ADTRP: variants seen among roughly 807,000 people sequenced by gnomAD.
ADTRP encodes androgen dependent TFPI regulating protein.
In ADTRP, 20 loss-of-function variants were observed where a neutral mutation model predicts 27.0. The ratio of observed to expected loss-of-function variants is 0.74; its 90% confidence interval spans 0.52 to 1.08. ADTRP has a LOEUF of 1.08. Among genes scored for constraint, ADTRP ranks in the 50% least tolerant of loss-of-function variants. The probability of loss-of-function intolerance (pLI) is 0.00; values close to 1 mark genes in which losing one functional copy is unlikely to be tolerated. For missense variants in ADTRP, 251 were observed against 275.0 expected (o/e 0.91, Z 0.62); for synonymous variants, 101 against 105.2 (o/e 0.96, Z 0.25).
At chr6:11,727,847 A>G (rs921540406) in intron 4 of ADTRP, among the ~76,000 whole-genome samples, 3 of 151,434 alleles carry the variant, frequency 2.0e-5, no homozygotes, top group African/African-American at 4.8e-5. Flanking sequence ...TCACACTGTT[A>G]GTTGACATCA....
chr6:11,714,307 T>A lies in ADTRP; in HGVS notation c.*171A>T. On this transcript the variant is annotated 3_prime_UTR_variant, in exon 6 of 6. Transcript: ENST00000414691. ...AGTCAACCTTTCAAAAAACCAAGAG[T>A]TCTCAAGTTAAGCTACCTTCACGAA... 4.3e-6 allele frequency: 3 copies of A among 694,518 alleles called. No individual in the cohort carries two copies. The allele number at this position is 694,518 out of a possible 1,614,324, so 43.0% of individuals were successfully genotyped here.
At position 11,713,701 on chromosome 6, in the gene ADTRP, TAATC is replaced by T. The variant is rs1285596377; in HGVS notation, c.*773_*776del. On this transcript the variant is annotated 3_prime_UTR_variant, in exon 6 of 6. Transcript: ENST00000414691. The stretch of plus-strand genomic sequence containing the variant: ...TTACTATACCATTTATTTGATGAAT[TAATC>T]AATGTTCAAATGGAAGAGGTTTTGA... 1 of 152,242 alleles carries T rather than the reference TAATC, an allele frequency of 6.6e-6. No homozygotes were observed. The highest frequency in any genetic ancestry group is 2.4e-5 in the African/African-American group (1 of 41,460). The allele number at this position is 152,242 out of a possible 1,614,324, so 9.4% of individuals were successfully genotyped here. A position where few individuals can be genotyped will look rare whatever the true frequency, so the allele number is the denominator to read the frequency against.
chr6:11,718,224 T>C (rs1761895509), intron 5 of ADTRP, among the ~76,000 whole-genome samples: 1 of 152,240 alleles, frequency 6.6e-6, no homozygotes, highest in Non-Finnish European at 1.5e-5. Context: ...AAGGACAGCC[T>C]GACTCCTGGC....
At chr6:11,737,206 T>C (rs1762580576) in intron 3 of ADTRP, among the ~76,000 whole-genome samples, 1 of 152,080 alleles carries the variant, frequency 6.6e-6, no homozygotes, top group Admixed American at 6.6e-5. Flanking sequence ...AAACATCTAG[T>C]AGTGCTAGTA....
At chr6:11,752,445 G>C (rs1763088637) in intron 3 of ADTRP, among the ~76,000 whole-genome samples, 1 of 152,092 alleles carries the variant, frequency 6.6e-6, no homozygotes, top group East Asian at 1.9e-4. Flanking sequence ...GGGTTCACTT[G>C]GGAAAACAGA....
At chr6:11,722,736 G>C (rs150714946) in intron 5 of ADTRP, among the ~76,000 whole-genome samples, 3 of 152,234 alleles carry the variant, frequency 2.0e-5, no homozygotes, top group African/African-American at 7.2e-5. Context: ...AGAAGCAACA[G>C]GATTGTACCC....
chr6:11,776,493 G>A (rs964527884), intron 1 of ADTRP, among the ~76,000 whole-genome samples: 1 of 152,170 alleles, frequency 6.6e-6, no homozygotes, highest in Non-Finnish European at 1.5e-5. Context: ...GGGAGAGAGG[G>A]AATTAGAAAA....
intron 3 of ADTRP, among the ~76,000 whole-genome samples, 172 bp downstream of exon 3, chr6:11,766,102 T>C (rs1581365172): frequency 1.3e-5 from 2 of 152,262 alleles, no homozygotes; most frequent in Admixed American, 6.5e-5. Context: ...ACTGTAATTA[T>C]AGCACTGGCT....
Position 11,749,899 on chromosome 6 carries a change from A to T in ADTRP, c.391-14216T>A, listed in dbSNP as rs115029855. On this transcript the variant is annotated intron_variant, in intron 3 of 5. Coordinates refer to ENST00000414691, the MANE Select transcript of ADTRP (RefSeq NM_032744.4). Reference sequence around the variant, plus strand: ...CTCCCAATTAGCCAACCCTTCTCCCACCTCTGTAAATCTTTGTAAGAAACA... The same window carrying T: ...CTCCCAATTAGCCAACCCTTCTCCCTCCTCTGTAAATCTTTGTAAGAAACA... Among the ~76,000 whole-genome samples the T allele has an allele frequency of 2.3e-3, 348 of 152,274 alleles. 3 individuals are homozygous for T. The highest frequency in any genetic ancestry group is 8.1e-3 in the African/African-American group (338 of 41,554).
chr6:11,727,804 G>A (rs9394271), intron 4 of ADTRP, among the ~76,000 whole-genome samples: 1 of 151,998 alleles, frequency 6.6e-6, no homozygotes, highest in Non-Finnish European at 1.5e-5. Context: ...TTTACCAAGG[G>A]TACTCAGCAG....
intron 1 of ADTRP, chr6:11,770,032 T>G: frequency 6.4e-7 from 1 of 1,551,694 alleles, no homozygotes; most frequent in South Asian, 1.2e-5. Context: ...GAAACAAACC[T>G]GCCTAAAGCT....
chr6:11,770,999 A>AGTCCATGTGAC, intron 1 of ADTRP, among the ~76,000 whole-genome samples: 1 of 152,318 alleles, frequency 6.6e-6, no homozygotes, highest in Non-Finnish European at 1.5e-5. Flanking sequence ...CGGCGTGTGA[A>AGTCCATGTGAC]GTCCATGTGA....
intron 2 of ADTRP, among the ~76,000 whole-genome samples, chr6:11,766,621 T>TA (rs2113333686): frequency 6.6e-6 from 1 of 152,350 alleles, no homozygotes; most frequent in South Asian, 2.1e-4. Context: ...AGAGATCAAT[T>TA]ATTTGTCATC....
rs1554114805 is a variant in ADTRP at position 11,758,583 on chromosome 6, G to GGT, written c.390+7690_390+7691insAC. Among the ~76,000 whole-genome samples the GGT allele has an allele frequency of 2.1e-3, 246 of 117,730 alleles. 17 individuals are homozygous for GGT. The Middle Eastern group carries it at 0.024, about 11-fold the overall frequency. 77.2% of individuals were successfully genotyped at this position (117,730 alleles called of 152,430 possible). On this transcript the variant is annotated intron_variant, in intron 3 of 5. Coordinates refer to ENST00000414691, the MANE Select transcript of ADTRP (RefSeq NM_032744.4). ...CGGGGACTGTTGTGGGGTGGGGGGGGGGGACGGATAGCATTAGGAGGTATA... is the reference window on the plus strand; with the variant it reads ...CGGGGACTGTTGTGGGGTGGGGGGGGGTGGGACGGATAGCATTAGGAGGTATA...
chr6:11,723,920 C>T (rs909692546), intron 4 of ADTRP, among the ~76,000 whole-genome samples: 9 of 152,024 alleles, frequency 5.9e-5, no homozygotes, highest in Admixed American at 1.3e-4. Flanking sequence ...ATTAACTGGG[C>T]ATGGTGGCTC....
rs190923558 is a variant in ADTRP, at chr6:11,721,510, C to A, written c.658+1839G>T. Among the ~76,000 whole-genome samples the A allele has an allele frequency of 3.1e-4, 47 of 152,278 alleles. 1 individual carries two copies. Among genetic ancestry groups the A allele is most frequent in the Admixed American group, 2.3e-3 (35 of 15,304 alleles). On this transcript the variant is annotated intron_variant, in intron 5 of 5. Coordinates refer to ENST00000414691, the MANE Select transcript of ADTRP (RefSeq NM_032744.4). ...TGCAACTTTAACAAATCTAATTTTT[C>A]TTTAATTCGTATTAAATTATTTATA...
chr6:11,752,554 G>A (rs1399487008), intron 3 of ADTRP, among the ~76,000 whole-genome samples: 2 of 152,104 alleles, frequency 1.3e-5, no homozygotes, highest in East Asian at 3.9e-4. Context: ...AACCAGATGG[G>A]GGTGATTCAT....
chr6:11,735,735 C>T lies in ADTRP; in HGVS notation c.391-52G>A, dbSNP rs771268762. 16 of 1,245,154 alleles carry T rather than the reference C, an allele frequency of 1.3e-5. No homozygotes were observed. In the South Asian group the frequency reaches 1.4e-4, roughly 11 times the overall value. 77.1% of individuals were successfully genotyped at this position (1,245,154 alleles called of 1,614,324 possible). ...AATGGCAGGGTGTCCAGGGTGCCTA[C>T]AGTGCCCATAATTCTCTGTTCCCCT... is the stretch of plus-strand genomic sequence containing the variant. On this transcript the variant is annotated intron_variant, in intron 3 of 5. Coordinates refer to ENST00000414691, the MANE Select transcript of ADTRP (RefSeq NM_032744.4).
chr6:11,744,595 G>A (rs896264233), intron 3 of ADTRP, among the ~76,000 whole-genome samples: 4 of 152,192 alleles, frequency 2.6e-5, no homozygotes, highest in Non-Finnish European at 5.9e-5. Context: ...ATGGGGCCAG[G>A]TGGAAGGGCC....
Sources: allele counts gnomAD v4.1 joint callset (sites outside exome capture counted in the v4.1 genomes callset), GRCh38; gene constraint gnomAD v4.1.1; transcripts MANE v1.5; gene names NCBI Gene and HGNC (gene_info 2026-07-23, HGNC 2026-07-21).